DGKD: variants seen among roughly 807,000 people sequenced by gnomAD.
The protein encoded by DGKD is diacylglycerol kinase delta, also known as DAG kinase delta.
In DGKD, 68 loss-of-function variants were observed where a neutral mutation model predicts 154.4. That is an observed-to-expected ratio of 0.44 (90% CI 0.36 to 0.54). DGKD has a LOEUF of 0.54. DGKD is among the 20% of genes least tolerant of loss of function. DGKD has a pLI of 0.00. For missense variants in DGKD, 1,343 were observed against 1,593.6 expected, an observed-to-expected ratio of 0.84 and a Z score of 2.68; for synonymous variants, 693 against 638.0, an observed-to-expected ratio of 1.09 and a Z score of -1.30.
chr2:233,363,825 G>T (rs1421861910), intron 1 of DGKD, among the ~76,000 whole-genome samples: 3 of 152,198 alleles, frequency 2.0e-5, no homozygotes, highest in Non-Finnish European at 4.4e-5. Flanking sequence ...GTGCTCTATG[G>T]GTTTGTAGTC....
At chr2:233,424,157 A>G (rs2062214764) in intron 3 of DGKD, among the ~76,000 whole-genome samples, 1 of 152,080 alleles carries the variant, frequency 6.6e-6, no homozygotes, top group Non-Finnish European at 1.5e-5. Context: ...GCCTCACATT[A>G]ATTACTCTTA....
chr2:233,388,460 C>G, intron 2 of DGKD, 93 bp downstream of exon 2: 1 of 1,247,754 alleles, frequency 8.0e-7, no homozygotes, highest in Non-Finnish European at 1.1e-6. Context: ...GTGGGAAAAG[C>G]TTCAATTCTC....
chr2:233,415,748 T>G (rs929707047), intron 3 of DGKD, among the ~76,000 whole-genome samples: 3 of 152,162 alleles, frequency 2.0e-5, no homozygotes, highest in African/African-American at 7.2e-5. Context: ...CTTAGCCTAC[T>G]GAGTAGCTGG....
chr2:233,392,824 C>T (rs1218452021), intron 3 of DGKD, among the ~76,000 whole-genome samples: 1 of 152,206 alleles, frequency 6.6e-6, no homozygotes, highest in African/African-American at 2.4e-5. Context: ...ACAAATTTCA[C>T]ACCTTCAAAG....
chr2:233,355,850 G>C (rs1172334777), intron 1 of DGKD, among the ~76,000 whole-genome samples: 2 of 152,194 alleles, frequency 1.3e-5, no homozygotes, highest in African/African-American at 4.8e-5. Flanking sequence ...TATTAGTACT[G>C]GTGAGAACCC....
At position 233,452,007 on chromosome 2, in the gene DGKD, C is replaced by A. The variant is rs1242024907; in HGVS notation, c.2211C>A (p.Val737=). The A allele has an allele frequency of 6.2e-7, 1 of 1,614,064 alleles. No homozygotes were observed. The highest frequency in any genetic ancestry group is 2.2e-5 in the East Asian group (1 of 44,888). Residue 737 remains valine, a synonymous_variant, in exon 18 of 30, where the codon GTC becomes GTA. Transcript: ENST00000264057. This position sits in a 1 kb window ranked among gnomAD's most constrained non-coding sequence, Gnocchi z 4.0. ...CTGGTTCCTTACCCGGTGGCTCAGT[C>A]ATCAGTCGCCTGTTAATTAATGCTG... is the stretch of plus-strand genomic sequence containing the variant. ...GMSGSLPGGS[V]ISRLLINADP... is the part of the protein sequence containing the mutation.
chr2:233,440,039 C>G lies in DGKD; in HGVS notation c.1085+1660C>G, dbSNP rs1378542630. Among the ~76,000 whole-genome samples the G allele has an allele frequency of 2.0e-5, 3 of 152,096 alleles. No individual in the cohort carries two copies. The East Asian group carries it at 5.8e-4, about 29-fold the overall frequency. On this transcript the variant is annotated intron_variant, in intron 9 of 29. Coordinates refer to ENST00000264057, the MANE Select transcript of DGKD (RefSeq NM_152879.3). This position sits in a 1 kb window ranked among gnomAD's most constrained non-coding sequence, Gnocchi z 4.9. The stretch of plus-strand genomic sequence containing the variant: ...GGGCAGGGCAGGTTACACAGCTGAA[C>G]TCGAGAATAACGAAATATTCATTTT...
intron 1 of DGKD, among the ~76,000 whole-genome samples, chr2:233,378,649 G>A (rs771226059): frequency 1.3e-4 from 20 of 152,132 alleles, no homozygotes; most frequent in Non-Finnish European, 2.4e-4. Flanking sequence ...TTGTTTAAGC[G>A]CCTTTTGCAT....
intron 3 of DGKD, among the ~76,000 whole-genome samples, chr2:233,404,962 A>G (rs146661706): frequency 1.3e-5 from 2 of 152,334 alleles, no homozygotes; most frequent in Non-Finnish European, 2.9e-5. Context: ...GAAAGAAGAC[A>G]GAAGGTGAGA....
Position 233,458,269 on chromosome 2 carries a change from A to T in DGKD, c.2581-15A>T. ...ATGTGTGGAGTGGTGGTCAGCTCTA[A>T]CGTGTCCCTTGCAGACTTTCGCAGC... On this transcript the variant is annotated splice_polypyrimidine_tract_variant and intron_variant, in intron 21 of 29. Transcript: ENST00000264057. The surrounding 1 kb of genome is among the most constrained non-coding windows in gnomAD (Gnocchi z 6.6). The T allele has an allele frequency of 6.3e-7, 1 of 1,587,184 alleles. No homozygotes were observed.
intron 1 of DGKD, among the ~76,000 whole-genome samples, chr2:233,362,436 A>AG (rs1429213127): frequency 1.3e-5 from 2 of 152,164 alleles, no homozygotes; most frequent in African/African-American, 4.8e-5. Flanking sequence ...GGATCACCTG[A>AG]GGTTAGGAGT....
chr2:233,389,584 A>C (rs1009847705), intron 2 of DGKD, among the ~76,000 whole-genome samples: 1 of 152,104 alleles, frequency 6.6e-6, no homozygotes, highest in Non-Finnish European at 1.5e-5. Flanking sequence ...AAAAAAAAAA[A>C]AAAACACGAC....
At chr2:233,464,603 T>A (rs1049454045) in intron 27 of DGKD, among the ~76,000 whole-genome samples, 2 of 151,882 alleles carry the variant, frequency 1.3e-5, no homozygotes, top group African/African-American at 4.8e-5. Context: ...CCCCCGAGGG[T>A]GGAGATGTAT....
Position 233,469,352 on chromosome 2 carries a change from G to C in DGKD, c.3556-19G>C. The C allele has an allele frequency of 1.9e-6, 3 of 1,600,506 alleles. No homozygotes were observed. The highest frequency in any genetic ancestry group is 2.6e-6 in the Non-Finnish European group (3 of 1,173,026). ...TGGCTGTCTTCTCGGCATCCATGGCGGTGTCTTCTCTGTTGCAGGACCTGG... is the reference window on the plus strand; with the variant it reads ...TGGCTGTCTTCTCGGCATCCATGGCCGTGTCTTCTCTGTTGCAGGACCTGG... On this transcript the variant is annotated intron_variant, in intron 29 of 29. Coordinates refer to ENST00000264057, the MANE Select transcript of DGKD (RefSeq NM_152879.3).
At chr2:233,357,537 CTTT>C (rs374813757) in intron 1 of DGKD, among the ~76,000 whole-genome samples, 14 of 129,190 alleles carry the variant, frequency 1.1e-4, no homozygotes, top group Non-Finnish European at 9.9e-5. Context: ...TTCTTTCTTT[CTTT>C]TTTTTTTTTT....
chr2:233,414,878 A>G (rs2061922118), intron 3 of DGKD, among the ~76,000 whole-genome samples: 1 of 152,110 alleles, frequency 6.6e-6, no homozygotes, highest in African/African-American at 2.4e-5. Flanking sequence ...TTGTCTGTAC[A>G]CTGACCTGGG....
At chr2:233,454,897 G>A (rs1240053394) in intron 19 of DGKD, 24 bp downstream of exon 19, 28 of 1,478,568 alleles carry the variant, frequency 1.9e-5, no homozygotes, top group Non-Finnish European at 2.6e-5. Context: ...TCAGGAGCAC[G>A]TCTGTCTTTT....
chr2:233,442,244 G>T (rs986900170), intron 10 of DGKD: 1 of 626,584 alleles, frequency 1.6e-6, no homozygotes, highest in Admixed American at 2.1e-5. Context: ...GCTACGAAAA[G>T]AATTGCCCAC....
chr2:233,429,297 A>G (rs2062427352), intron 3 of DGKD: 1 of 985,300 alleles, frequency 1.0e-6, no homozygotes, highest in Non-Finnish European at 1.2e-6. Flanking sequence ...AGTTATGCAC[A>G]GTAAGGTATA....
Sources: allele counts gnomAD v4.1 joint callset (sites outside exome capture counted in the v4.1 genomes callset), GRCh38; gene constraint gnomAD v4.1.1; non-coding constraint Gnocchi (gnomAD v3.1); transcripts MANE v1.5; gene names NCBI Gene and HGNC (gene_info 2026-07-23, HGNC 2026-07-21).